PATL1: variants seen among roughly 807,000 people sequenced by gnomAD.
The protein encoded by PATL1 is PAT1 homolog 1, processing body mRNA decay factor.
A neutral mutation model predicts 100.6 loss-of-function variants in PATL1; 32 were observed. That is an observed-to-expected ratio of 0.32 (90% CI 0.24 to 0.43). PATL1 has a LOEUF of 0.43. Among genes scored for constraint, PATL1 ranks in the 20% least tolerant of loss-of-function variants. PATL1 has a pLI of 1.00. For missense variants in PATL1, 747 were observed against 949.9 expected (o/e 0.79, Z 2.81); for synonymous variants, 332 against 330.0 (o/e 1.01, Z -0.07).
Position 59,644,949 on chromosome 11 carries a change from T to C in PATL1, c.1894-1914A>G, listed in dbSNP as rs182420305. Reference sequence around the variant, plus strand: ...AGCACAGTGCTTGGTTGTCCCACTCTTAGAGGTGTTAAGAGTTCATTAATG... The same window carrying C: ...AGCACAGTGCTTGGTTGTCCCACTCCTAGAGGTGTTAAGAGTTCATTAATG... On this transcript the variant is annotated intron_variant, in intron 15 of 18. Coordinates refer to ENST00000300146, the MANE Select transcript of PATL1 (RefSeq NM_152716.3). Among the ~76,000 whole-genome samples the C allele has an allele frequency of 5.4e-4, 79 of 145,434 alleles. 1 individual carries two copies. Among genetic ancestry groups the C allele is most frequent in the Non-Finnish European group, 1.0e-3 (68 of 66,632 alleles).
In PATL1 at chr11:59,658,880, G is replaced by T. The variant is rs1276322425; in HGVS notation, c.412C>A (p.Pro138Thr). The T allele has an allele frequency of 6.5e-7, 1 of 1,548,774 alleles. No individual in the cohort carries two copies. The highest frequency in any genetic ancestry group is 8.7e-7 in the Non-Finnish European group (1 of 1,146,316). The change falls in exon 4 of 19, where the codon CCA (proline) becomes ACA (threonine). Residue 138 changes from proline to threonine, a missense_variant. Transcript: ENST00000300146. ...ATATTTAATACCTGAGCAAGCAGTG[G>T]TCCTCGGATTCGCCTCAGAACTTCA... The part of the protein sequence containing the change: ...GSEVLRRIRG[P>T]LLAQEMPTVS...
rs1054453217 is a variant in PATL1, at chr11:59,657,426, T to A, written c.621+104A>T. 1.3e-4 allele frequency: 145 copies of A among 1,117,772 alleles called. No individual in the cohort carries two copies. The African/African-American group carries it at 1.7e-3, about 13-fold the overall frequency. 69.2% of individuals were successfully genotyped at this position (1,117,772 alleles called of 1,614,324 possible). On this transcript the variant is annotated intron_variant, in intron 5 of 18. Transcript: ENST00000300146. ...CTAGCTATTTTTCTTTCTAATCTAA[T>A]GCCTACCCAAAATTTCCACCCTCCA...
At chr11:59,647,226 A>AC (rs1025614041) in intron 15 of PATL1, among the ~76,000 whole-genome samples, 2 of 149,724 alleles carry the variant, frequency 1.3e-5, no homozygotes, top group Admixed American at 1.4e-4. Context: ...CTGTCTCAAA[A>AC]AAAAAAAAAA....
chr11:59,642,933 C>A lies in PATL1; in HGVS notation c.1996G>T (p.Ala666Ser). ...GGATTGGAGAGTGCTGGTGTAGCTGCACTTTGAGGTAGGTTCATTAGCTGT... is the reference window on the plus strand; with the variant it reads ...GGATTGGAGAGTGCTGGTGTAGCTGAACTTTGAGGTAGGTTCATTAGCTGT... ...LRQLMNLPQS[A>S]ATPALSNPHL... Residue 666 changes from alanine (A) to serine (S), a missense_variant, in exon 16 of 19, where the codon GCA (alanine) becomes TCA (serine). Physicochemically the swap from Ala to Ser is moderately conservative, Grantham distance 99. Around this residue, in one of 4 missense-constraint regions of PATL1, gnomAD observed 434 missense variants for 596.1 expected, o/e 0.73. Coordinates refer to ENST00000300146, the MANE Select transcript of PATL1 (RefSeq NM_152716.3). The A allele has an allele frequency of 6.2e-7, 1 of 1,613,952 alleles. No individual in the cohort carries two copies. Among genetic ancestry groups the A allele is most frequent in the Non-Finnish European group, 8.5e-7 (1 of 1,179,862 alleles).
rs867061292 is a variant in PATL1, at chr11:59,650,784, C to G, written c.1554G>C (p.Lys518Asn). The G allele has an allele frequency of 6.4e-7, 1 of 1,557,806 alleles. No homozygotes were observed. Among genetic ancestry groups the G allele is most frequent in the Non-Finnish European group, 8.7e-7 (1 of 1,149,410 alleles). The change falls in exon 13 of 19, where the codon AAG becomes AAC. Residue 518 changes from lysine to asparagine, a missense_variant. Coordinates refer to ENST00000300146, the MANE Select transcript of PATL1 (RefSeq NM_152716.3). ...DETKEKQVRD[K>N]RRKTLVIIEK... ...CAATTATAACAAGGGTTTTTCTCCT[C>G]TTGTCTCGAACTTGTTTTTCTTTTG...
At chr11:59,668,830 G>T in intron 1 of PATL1, 51 bp downstream of exon 1, 2 of 1,122,800 alleles carry the variant, frequency 1.8e-6, no homozygotes, top group Non-Finnish European at 2.5e-6. Context: ...GAGAGTGAGG[G>T]AGAGGGGCGC....
Position 59,655,636 on chromosome 11 carries a change from C to A in PATL1, c.918G>T (p.Gly306=), listed in dbSNP as rs1209423251. ...MNPKLLQGRV[G]QMLPPAPGFR... The stretch of plus-strand genomic sequence containing the variant: ...AGCCTGGTGCTGGGGGAAGCATCTG[C>A]CCAACTCGCCCTTGTAGCAACTTGG... Residue 306 remains glycine (G), a synonymous_variant, in exon 8 of 19, where the codon GGG becomes GGT. Coordinates refer to ENST00000300146, the MANE Select transcript of PATL1 (RefSeq NM_152716.3). 6.3e-7 allele frequency: 1 copy of A among 1,599,386 alleles called. No homozygotes were observed. Among genetic ancestry groups the A allele is most frequent in the Admixed American group, 1.7e-5 (1 of 57,570 alleles).
Position 59,668,910 on chromosome 11 carries a change from G to T in PATL1, c.-15C>A, listed in dbSNP as rs1193932457. ...TAGCGGAACATTCTTGGGGAGGGGGGCAGGGAGCGGGGAGGGGAGAGGGGG... is the reference window on the plus strand; with the variant it reads ...TAGCGGAACATTCTTGGGGAGGGGGTCAGGGAGCGGGGAGGGGAGAGGGGG... On this transcript the variant is annotated 5_prime_UTR_variant, in exon 1 of 19. Coordinates refer to ENST00000300146, the MANE Select transcript of PATL1 (RefSeq NM_152716.3). 5 of 701,478 alleles carry T rather than the reference G, an allele frequency of 7.1e-6. No homozygotes were observed. Among genetic ancestry groups the T allele is most frequent in the Non-Finnish European group, 8.6e-6 (4 of 467,614 alleles). 43.5% of individuals were successfully genotyped at this position (701,478 alleles called of 1,614,324 possible).
At chr11:59,655,494 T>G in intron 8 of PATL1, 29 bp downstream of exon 8, 1 of 1,500,914 alleles carries the variant, frequency 6.7e-7, no homozygotes, top group South Asian at 1.2e-5. Context: ...GGCTGATAAC[T>G]GATAAACAGT....
chr11:59,665,093 T>C (rs912014063), intron 2 of PATL1, among the ~76,000 whole-genome samples: 1 of 152,240 alleles, frequency 6.6e-6, no homozygotes, highest in African/African-American at 2.4e-5. Flanking sequence ...GAGTCTAGCT[T>C]CTACTTTCAA....
intron 8 of PATL1, among the ~76,000 whole-genome samples, chr11:59,654,583 C>T (rs1035125653): frequency 4.0e-5 from 6 of 150,752 alleles, no homozygotes; most frequent in Non-Finnish European, 7.4e-5. Context: ...AGACCAAGTT[C>T]TAAAAGGGTG....
intron 13 of PATL1, 57 bp from the exon 14 acceptor site, chr11:59,649,667 T>C: frequency 6.5e-7 from 1 of 1,538,680 alleles, no homozygotes; most frequent in Non-Finnish European, 8.8e-7. Context: ...ACAGTATTAG[T>C]TAAACAATTT....
chr11:59,656,704 A>T, intron 5 of PATL1, 104 bp from the exon 6 acceptor site: 2 of 999,286 alleles, frequency 2.0e-6, no homozygotes, highest in Non-Finnish European at 3.0e-6. Flanking sequence ...CTCAATGCAA[A>T]GCCCTACTTC....
rs1047013832 is a variant in PATL1 at position 59,636,831 on chromosome 11, A to G, written c.*1559T>C. On this transcript the variant is annotated 3_prime_UTR_variant, in exon 19 of 19. Transcript: ENST00000300146. ...ACAAAAAAGATAAAGCACAGTAAGG[A>G]AGAGATAATAATCAAGTATTCACTT... 2.0e-5 allele frequency: 3 copies of G among 152,710 alleles called. No homozygotes were observed. Among genetic ancestry groups the G allele is most frequent in the Non-Finnish European group, 4.4e-5 (3 of 68,016 alleles). 9.5% of individuals were successfully genotyped at this position (152,710 alleles called of 1,614,324 possible).
chr11:59,649,664 T>C, intron 13 of PATL1, 54 bp from the exon 14 acceptor site: 2 of 1,547,172 alleles, frequency 1.3e-6, no homozygotes, highest in Non-Finnish European at 1.8e-6. Context: ...ACCACAGTAT[T>C]AGTTAAACAA....
At chr11:59,662,157 A>G (rs1049440791) in intron 2 of PATL1, among the ~76,000 whole-genome samples, 17 of 152,352 alleles carry the variant, frequency 1.1e-4, no homozygotes, top group African/African-American at 4.1e-4. Flanking sequence ...TTTTGGTATC[A>G]TAGGACCCAC....
chr11:59,667,133 TTCA>T (rs1861702728), intron 1 of PATL1, 169 bp from the exon 2 acceptor site: 3 of 937,528 alleles, frequency 3.2e-6, no homozygotes, highest in African/African-American at 1.8e-5. Context: ...ACTGGAAGAT[TTCA>T]TCATCTTTCT....
rs1443220407 is a variant in PATL1, at chr11:59,668,969, C to CCG, written c.-76_-75dup. The CCG allele has an allele frequency of 3.0e-6, 1 of 330,126 alleles. No individual in the cohort carries two copies. Among genetic ancestry groups the CCG allele is most frequent in the East Asian group, 5.1e-5 (1 of 19,588 alleles). 20.4% of individuals were successfully genotyped at this position (330,126 alleles called of 1,614,324 possible). ...AAGAAGCGCTGACTCCCCGGCTCCTCCGCGCGCGGGTCCTCCACCGGCTCG... is the reference window on the plus strand; with the variant it reads ...AAGAAGCGCTGACTCCCCGGCTCCTCCGCGCGCGCGGGTCCTCCACCGGCTCG... On this transcript the variant is annotated 5_prime_UTR_variant, in exon 1 of 19. Transcript: ENST00000300146.
chr11:59,660,917 T>G (rs1861617007), intron 2 of PATL1, among the ~76,000 whole-genome samples: 1 of 152,122 alleles, frequency 6.6e-6, no homozygotes, highest in African/African-American at 2.4e-5. Flanking sequence ...TTGGCATCAT[T>G]TTTTCTGTTT....
Sources: gnomAD v4.1 joint callset for allele counts (sites outside exome capture counted in the v4.1 genomes callset) on GRCh38, gnomAD v4.1.1 for gene constraint, gnomAD v4.1.1 regional missense constraint, MANE v1.5 for transcripts, NCBI Gene and HGNC (gene_info 2026-07-23, HGNC 2026-07-21) for gene names.